Variants in FGD4 observed in about 807,000 individuals in gnomAD.
FGD4 encodes FYVE, RhoGEF and PH domain containing 4, also known as FYVE, RhoGEF and PH domain-containing protein 4.
Under a neutral mutation model 102.0 loss-of-function variants are expected in FGD4, and 42 were observed. The observed-to-expected ratio is 0.41, with a 90% CI of 0.32 to 0.53. The LOEUF is 0.53. Ranked by LOEUF, FGD4 falls within the 20% of genes least tolerant of loss-of-function variation. FGD4 has a pLI of 0.21. For synonymous variants in FGD4, 380 were observed against 375.7 expected (o/e 1.01, Z -0.13); for missense variants, 902 against 1,078.2 (o/e 0.84, Z 2.29).
intron 1 of FGD4, among the ~76,000 whole-genome samples, chr12:32,432,442 C>T (rs1942081223): frequency 6.6e-6 from 1 of 151,504 alleles, no homozygotes; most frequent in Admixed American, 6.6e-5. Flanking sequence ...ATGGTGAAAC[C>T]CCATTTCTAC....
intron 1 of FGD4, among the ~76,000 whole-genome samples, chr12:32,420,862 C>T (rs1271103173): frequency 6.6e-6 from 1 of 152,076 alleles, no homozygotes; most frequent in African/African-American, 2.4e-5. Context: ...CTAGTTGGTA[C>T]ATTTTGGTTC....
chr12:32,435,517 G>A (rs758007809), intron 1 of FGD4, among the ~76,000 whole-genome samples: 1 of 151,936 alleles, frequency 6.6e-6, no homozygotes, highest in Non-Finnish European at 1.5e-5. Context: ...GTGTGTGTGT[G>A]TTTTAAATGA....
intron 11 of FGD4, among the ~76,000 whole-genome samples, chr12:32,620,512 T>TTTCTTTC (rs1565915620): frequency 3.9e-5 from 5 of 129,468 alleles, no homozygotes; most frequent in Admixed American, 1.7e-4. Context: ...TAACCATTTT[T>TTTCTTTC]TTTCTTTCTT....
intron 1 of FGD4, among the ~76,000 whole-genome samples, chr12:32,409,534 G>A (rs1941112470): frequency 6.6e-6 from 1 of 150,842 alleles, no homozygotes; most frequent in Non-Finnish European, 1.5e-5. Flanking sequence ...TGATCCGCCT[G>A]CCTCGGCTTT....
intron 1 of FGD4, among the ~76,000 whole-genome samples, chr12:32,553,112 A>G (rs1943835658): frequency 1.3e-5 from 2 of 152,084 alleles, no homozygotes; most frequent in South Asian, 4.2e-4. Context: ...CACTTTTAAC[A>G]TGTCTATGCA....
At chr12:32,456,500 A>C (rs994909782) in intron 1 of FGD4, among the ~76,000 whole-genome samples, 1 of 152,164 alleles carries the variant, frequency 6.6e-6, no homozygotes, top group African/African-American at 2.4e-5. Flanking sequence ...CAGCTTTGGG[A>C]GAATTTATTC....
chr12:32,605,350 A>G (rs752936124), intron 7 of FGD4, among the ~76,000 whole-genome samples: 12 of 151,526 alleles, frequency 7.9e-5, no homozygotes, highest in Admixed American at 3.9e-4. Context: ...TTTATTTTGT[A>G]ATTAAACACT....
chr12:32,452,331 C>T (rs768708715), intron 1 of FGD4, among the ~76,000 whole-genome samples: 13 of 152,120 alleles, frequency 8.5e-5, no homozygotes, highest in Non-Finnish European at 1.5e-4. Context: ...ATCTCTCAAT[C>T]GTAATGAATC....
intron 1 of FGD4, among the ~76,000 whole-genome samples, chr12:32,540,566 C>CTTTTTT (rs528437420): frequency 7.3e-6 from 1 of 136,412 alleles, no homozygotes; most frequent in African/African-American, 2.7e-5. Context: ...TCTTTCTTTT[C>CTTTTTT]TTTTTTTTTT....
intron 1 of FGD4, among the ~76,000 whole-genome samples, chr12:32,563,735 C>G (rs1944913799): frequency 6.6e-6 from 1 of 152,194 alleles, no homozygotes; most frequent in Non-Finnish European, 1.5e-5. Flanking sequence ...GAACCAGACT[C>G]CATCTGCAAT....
intron 3 of FGD4, among the ~76,000 whole-genome samples, chr12:32,577,416 A>C (rs1285873822): frequency 6.6e-6 from 1 of 152,204 alleles, no homozygotes; most frequent in Non-Finnish European, 1.5e-5. Flanking sequence ...ACTGTTACTT[A>C]TGTAATGAAA....
intron 1 of FGD4, among the ~76,000 whole-genome samples, chr12:32,457,484 C>G (rs1942978693): frequency 6.6e-6 from 1 of 152,178 alleles, no homozygotes. Context: ...GTATATGTCA[C>G]AAATACACTG....
intron 1 of FGD4, among the ~76,000 whole-genome samples, chr12:32,461,338 C>T (rs1943099321): frequency 6.6e-6 from 1 of 152,128 alleles, no homozygotes; most frequent in Admixed American, 6.5e-5. Context: ...TTCATGATAT[C>T]ACCAAGCTCT....
At chr12:32,493,609 A>C (rs766930587) in intron 1 of FGD4, among the ~76,000 whole-genome samples, 15 of 152,214 alleles carry the variant, frequency 9.9e-5, no homozygotes, top group Non-Finnish European at 2.1e-4. Context: ...GCCCAGGCTT[A>C]GCGTTATCTT....
intron 1 of FGD4, among the ~76,000 whole-genome samples, chr12:32,470,451 T>TTTCTTC (rs71298055): frequency 0.092 from 13,737 of 149,472 alleles, 835 homozygotes; most frequent in Middle Eastern, 0.26. Context: ...CGAAGTTTTC[T>TTTCTTC]TTTTTCTTTT....
chr12:32,600,499 G>T, intron 5 of FGD4: 1 of 1,258,766 alleles, frequency 7.9e-7, no homozygotes, highest in Non-Finnish European at 1.0e-6. Context: ...TAACAGAATG[G>T]CAATTAAGAG....
chr12:32,445,792 T>G (rs1418009754), intron 1 of FGD4, among the ~76,000 whole-genome samples: 1 of 152,182 alleles, frequency 6.6e-6, no homozygotes, highest in African/African-American at 2.4e-5. Flanking sequence ...GTAAGGACCT[T>G]CTACCTATGG....
intron 1 of FGD4, among the ~76,000 whole-genome samples, chr12:32,406,404 A>T (rs1565721315): frequency 6.6e-6 from 1 of 151,696 alleles, no homozygotes. Context: ...AAATACAAAA[A>T]TTAGCCAGGC....
At chr12:32,461,758 G>T (rs1444212986) in intron 1 of FGD4, among the ~76,000 whole-genome samples, 2 of 152,064 alleles carry the variant, frequency 1.3e-5, no homozygotes, top group Admixed American at 6.6e-5. Flanking sequence ...ATGGAGTCTT[G>T]CTCTGTCGCC....
Sources: allele counts gnomAD v4.1 joint callset (sites outside exome capture counted in the v4.1 genomes callset), GRCh38; gene constraint gnomAD v4.1.1; transcripts MANE v1.5; gene names NCBI Gene and HGNC (gene_info 2026-07-23, HGNC 2026-07-21).